Variants in CACNA2D3 observed in about 807,000 individuals in gnomAD.
CACNA2D3 encodes the protein calcium voltage-gated channel auxiliary subunit alpha2delta 3.
Under a neutral mutation model 160.6 loss-of-function variants are expected in CACNA2D3, and 60 were observed. The ratio of observed to expected loss-of-function variants is 0.37; its 90% CI spans 0.30 to 0.46. CACNA2D3 has a LOEUF of 0.46. CACNA2D3 is among the 20% of genes least tolerant of loss of function. The probability of loss-of-function intolerance (pLI) is 1.00; values close to 1 mark genes in which losing one functional copy is unlikely to be tolerated. For synonymous variants in CACNA2D3, 558 were observed against 492.9 expected, an observed-to-expected ratio of 1.13 and a Z score of -1.75; for missense variants, 1,205 against 1,365.0, an observed-to-expected ratio of 0.88 and a Z score of 1.85.
At chr3:54,459,268 G>C (rs368897244) in intron 4 of CACNA2D3, among the ~76,000 whole-genome samples, 1 of 149,418 alleles carries the variant, frequency 6.7e-6, no homozygotes, top group East Asian at 1.9e-4. Flanking sequence ...ATGATTTATA[G>C]TCCTTTGGGT....
At chr3:54,881,330 C>T (rs1699791119) in intron 21 of CACNA2D3, among the ~76,000 whole-genome samples, 1 of 152,156 alleles carries the variant, frequency 6.6e-6, no homozygotes, top group Non-Finnish European at 1.5e-5. Flanking sequence ...CCACGTATTT[C>T]ACTTGTGTTT....
At chr3:54,769,936 C>T (rs1269043657) in intron 13 of CACNA2D3, among the ~76,000 whole-genome samples, 2 of 152,176 alleles carry the variant, frequency 1.3e-5, no homozygotes, top group East Asian at 3.9e-4. Context: ...GGGTCAGTGT[C>T]CCCAGAAAAC....
At chr3:55,068,012 CTCCCATCTTCCCTT>C (rs1264451154) in intron 35 of CACNA2D3, among the ~76,000 whole-genome samples, 1 of 152,232 alleles carries the variant, frequency 6.6e-6, no homozygotes, top group Non-Finnish European at 1.5e-5. Context: ...CCTCTTCTCT[CTCCCATCTTCCCTT>C]CCTTTCCCTT....
At chr3:54,300,863 T>C (rs1051807152) in intron 2 of CACNA2D3, among the ~76,000 whole-genome samples, 2 of 151,818 alleles carry the variant, frequency 1.3e-5, no homozygotes, top group African/African-American at 2.4e-5. Flanking sequence ...AAAAATTTGT[T>C]TTAAAAAATT....
intron 9 of CACNA2D3, among the ~76,000 whole-genome samples, chr3:54,590,699 C>T (rs1702842139): frequency 6.6e-6 from 1 of 151,780 alleles, no homozygotes. Flanking sequence ...CTGCTGTCTC[C>T]ACCTCCCAAA....
intron 5 of CACNA2D3, among the ~76,000 whole-genome samples, chr3:54,520,395 C>A (rs1701628101): frequency 6.6e-6 from 1 of 152,194 alleles, no homozygotes; most frequent in Admixed American, 6.5e-5. Flanking sequence ...CTGGATGATG[C>A]TCAGTGTATT....
chr3:54,356,481 C>G (rs1279056075), intron 3 of CACNA2D3, among the ~76,000 whole-genome samples: 1 of 152,144 alleles, frequency 6.6e-6, no homozygotes, highest in Non-Finnish European at 1.5e-5. Flanking sequence ...GAGGTCTAAC[C>G]TTGACACAGT....
intron 2 of CACNA2D3, among the ~76,000 whole-genome samples, chr3:54,222,528 GTCAA>G (rs1701594508): frequency 1.3e-5 from 2 of 152,318 alleles, no homozygotes; most frequent in South Asian, 4.1e-4. Context: ...AGTCTGCTGA[GTCAA>G]TGTTGACAAA....
At chr3:54,446,689 G>A (rs1428794912) in intron 4 of CACNA2D3, among the ~76,000 whole-genome samples, 2 of 152,076 alleles carry the variant, frequency 1.3e-5, no homozygotes, top group Non-Finnish European at 2.9e-5. Context: ...ATTTAAGCAA[G>A]CCTCATGATG....
At chr3:54,575,724 G>A (rs1433950491) in intron 8 of CACNA2D3, among the ~76,000 whole-genome samples, 1 of 152,118 alleles carries the variant, frequency 6.6e-6, no homozygotes, top group Non-Finnish European at 1.5e-5. Context: ...GCTCTGTGGT[G>A]GCTTATCAGA....
chr3:54,603,450 A>G (rs1703102029), intron 9 of CACNA2D3, among the ~76,000 whole-genome samples: 1 of 152,188 alleles, frequency 6.6e-6, no homozygotes, highest in Non-Finnish European at 1.5e-5. Flanking sequence ...GGCTCCCAGA[A>G]GACAAGTCCT....
chr3:55,021,691 ATGTGTGTATATATATATG>A (rs1224036207), intron 35 of CACNA2D3, among the ~76,000 whole-genome samples: 4 of 131,490 alleles, frequency 3.0e-5, no homozygotes, highest in Non-Finnish European at 6.4e-5. Flanking sequence ...ATATATATAT[ATGTGTGTATATATATATG>A]TGTGTGTATA....
intron 27 of CACNA2D3, among the ~76,000 whole-genome samples, chr3:54,907,246 G>A (rs542901387): frequency 6.6e-6 from 1 of 152,280 alleles, no homozygotes; most frequent in South Asian, 2.1e-4. Context: ...GTGAGCACAG[G>A]CCATCCCCTT....
intron 4 of CACNA2D3, among the ~76,000 whole-genome samples, chr3:54,406,981 A>T (rs1017748168): frequency 6.6e-6 from 1 of 152,228 alleles, no homozygotes; most frequent in African/African-American, 2.4e-5. Flanking sequence ...ACAGCAGAGC[A>T]GAGCTATCAC....
intron 2 of CACNA2D3, among the ~76,000 whole-genome samples, chr3:54,163,182 G>C (rs1700381569): frequency 1.3e-5 from 2 of 152,308 alleles, no homozygotes; most frequent in South Asian, 4.1e-4. Context: ...CTTTGGATTT[G>C]ACACTAAGTG....
intron 13 of CACNA2D3, among the ~76,000 whole-genome samples, chr3:54,808,527 G>A (rs1264558081): frequency 6.6e-6 from 1 of 152,128 alleles, no homozygotes; most frequent in Non-Finnish European, 1.5e-5. Flanking sequence ...TAGGTCACAC[G>A]TCTACCCTGA....
At chr3:54,816,815 T>A in intron 13 of CACNA2D3, 38 bp from the exon 14 acceptor site, 1 of 1,609,540 alleles carries the variant, frequency 6.2e-7, no homozygotes, top group Non-Finnish European at 8.5e-7. Flanking sequence ...AATGATCAAC[T>A]TTTTTCTTTT....
At chr3:54,302,778 T>C (rs1379162117) in intron 2 of CACNA2D3, among the ~76,000 whole-genome samples, 1 of 151,900 alleles carries the variant, frequency 6.6e-6, no homozygotes, top group Non-Finnish European at 1.5e-5. Flanking sequence ...GTTTCTCTCT[T>C]CTTCCTCCTC....
At chr3:54,763,196 C>G (rs2107092861) in intron 12 of CACNA2D3, among the ~76,000 whole-genome samples, 1 of 151,866 alleles carries the variant, frequency 6.6e-6, no homozygotes, top group Non-Finnish European at 1.5e-5. Flanking sequence ...CTCAAACATG[C>G]AAAGGGCAAA....
Sources: allele counts gnomAD v4.1 joint callset (sites outside exome capture counted in the v4.1 genomes callset), GRCh38; gene constraint gnomAD v4.1.1; transcripts MANE v1.5; gene names NCBI Gene and HGNC (gene_info 2026-07-23, HGNC 2026-07-21).